Variants in CRB1 observed in about 807,000 individuals in gnomAD.
The protein encoded by CRB1 is protein crumbs homolog 1.
CRB1 carries 83 observed loss-of-function variants against 120.0 expected under a neutral mutation model. The ratio of observed to expected loss-of-function variants is 0.69; its 90% CI spans 0.58 to 0.83. The LOEUF (loss-of-function observed/expected upper bound fraction) is 0.83, where lower values mean the gene tolerates loss of function less well. CRB1 is among the 40% of genes least tolerant of loss of function. The probability of loss-of-function intolerance (pLI) is 0.00; values close to 1 mark genes in which losing one functional copy is unlikely to be tolerated. For missense variants in CRB1, 1,699 were observed against 1,687.6 expected (o/e 1.01, Z -0.12); for synonymous variants, 625 against 612.5 (o/e 1.02, Z -0.30).
At chr1:197,315,946 T>C (rs1056225506) in intron 1 of CRB1, among the ~76,000 whole-genome samples, 4 of 152,246 alleles carry the variant, frequency 2.6e-5, no homozygotes, top group African/African-American at 7.2e-5. Context: ...CTGAGGTCAA[T>C]TGCCATGTAT....
intron 5 of CRB1, among the ~76,000 whole-genome samples, chr1:197,405,867 G>A (rs1481219284): frequency 6.6e-6 from 1 of 151,734 alleles, no homozygotes; most frequent in Non-Finnish European, 1.5e-5. Context: ...GAAGTGAGGA[G>A]CGTCTCCGCC....
the CRB1 span, among the ~76,000 whole-genome samples, chr1:197,252,578 A>ATGTGTGTGTG: frequency 3.5e-5 from 1 of 28,682 alleles, no homozygotes; most frequent in African/African-American, 9.3e-5. Flanking sequence ...ATATATATAT[A>ATGTGTGTGTG]TATATGTGTG....
At chr1:197,380,183 T>C (rs1235838040) in intron 5 of CRB1, among the ~76,000 whole-genome samples, 1 of 152,140 alleles carries the variant, frequency 6.6e-6, no homozygotes, top group Non-Finnish European at 1.5e-5. Context: ...GAGACAATAG[T>C]CTGGAATATT....
At chr1:197,469,668 C>T (rs902129992) in intron 11 of CRB1, among the ~76,000 whole-genome samples, 37 of 152,170 alleles carry the variant, frequency 2.4e-4, no homozygotes, top group African/African-American at 8.9e-4. Context: ...GTCCACACAG[C>T]TTTTCTGAGA....
chr1:197,252,659 T>G, the CRB1 span, among the ~76,000 whole-genome samples: 31 of 143,628 alleles, frequency 2.2e-4, no homozygotes, highest in African/African-American at 7.4e-4. Context: ...CACACATATA[T>G]ATAAAATAAA....
intron 11 of CRB1, among the ~76,000 whole-genome samples, chr1:197,475,755 A>G (rs1426048332): frequency 6.6e-6 from 1 of 151,972 alleles, no homozygotes. Context: ...ATTCAAACAT[A>G]CACATTCATG....
chr1:197,235,591 T>G, the CRB1 span, among the ~76,000 whole-genome samples: 1 of 152,118 alleles, frequency 6.6e-6, no homozygotes, highest in South Asian at 2.1e-4. Context: ...TATCCTAAAT[T>G]AATCAGCCAT....
At chr1:197,220,080 CAG>C in the CRB1 span, among the ~76,000 whole-genome samples, 11 of 152,192 alleles carry the variant, frequency 7.2e-5, no homozygotes, top group African/African-American at 2.6e-4. Context: ...ACATTTCCTC[CAG>C]TAGACACAAG....
intron 1 of CRB1, among the ~76,000 whole-genome samples, chr1:197,320,768 T>G (rs1170741662): frequency 6.6e-6 from 1 of 152,310 alleles, no homozygotes; most frequent in East Asian, 1.9e-4. Context: ...TTTTAAAAAC[T>G]AAATTATCAT....
At chr1:197,454,251 T>A (rs1248108842) in intron 11 of CRB1, among the ~76,000 whole-genome samples, 2 of 131,032 alleles carry the variant, frequency 1.5e-5, no homozygotes, top group Admixed American at 1.8e-4. Flanking sequence ...TGTAAAATGA[T>A]CTTACCACAA....
intron 4 of CRB1, among the ~76,000 whole-genome samples, chr1:197,354,157 CA>C (rs1660285413): frequency 6.6e-6 from 1 of 152,102 alleles, no homozygotes; most frequent in Non-Finnish European, 1.5e-5. Context: ...CAAAGGTTGG[CA>C]AACGTTTTGA....
intron 5 of CRB1, among the ~76,000 whole-genome samples, chr1:197,393,202 A>G (rs984584080): frequency 1.3e-5 from 2 of 152,136 alleles, no homozygotes; most frequent in Admixed American, 1.3e-4. Flanking sequence ...ATGCAGGACC[A>G]AAAAGTACCA....
At chr1:197,212,985 A>G in the CRB1 span, among the ~76,000 whole-genome samples, 2 of 152,232 alleles carry the variant, frequency 1.3e-5, no homozygotes, top group Non-Finnish European at 2.9e-5. Flanking sequence ...CAACAGATCT[A>G]GATAAATTCC....
intron 5 of CRB1, among the ~76,000 whole-genome samples, chr1:197,384,919 T>G (rs1027333435): frequency 1.3e-5 from 2 of 152,104 alleles, no homozygotes; most frequent in African/African-American, 2.4e-5. Context: ...AAAGTAAAAC[T>G]AAAGCTAATC....
At chr1:197,339,428 G>T (rs923366838) in intron 2 of CRB1, among the ~76,000 whole-genome samples, 8 of 152,078 alleles carry the variant, frequency 5.3e-5, no homozygotes, top group Non-Finnish European at 1.2e-4. Context: ...CCCCAAAATA[G>T]CATACATAAT....
At chr1:197,298,833 TAG>T (rs1656697026) in intron 1 of CRB1, among the ~76,000 whole-genome samples, 1 of 152,082 alleles carries the variant, frequency 6.6e-6, no homozygotes, top group Non-Finnish European at 1.5e-5. Context: ...ATTGAAAACA[TAG>T]AGTTGATCTT....
intron 4 of CRB1, among the ~76,000 whole-genome samples, chr1:197,352,686 CTTT>C (rs5779865): frequency 2.6e-4 from 36 of 137,122 alleles, no homozygotes; most frequent in Non-Finnish European, 2.7e-4. Context: ...TTTTACTTTC[CTTT>C]TTTTTTTTTT....
At chr1:197,457,007 A>C (rs1666313160) in intron 11 of CRB1, among the ~76,000 whole-genome samples, 1 of 152,162 alleles carries the variant, frequency 6.6e-6, no homozygotes. Flanking sequence ...AGAGTTGACC[A>C]CTGCTGCAAT....
chr1:197,212,680 G>T, the CRB1 span, among the ~76,000 whole-genome samples: 1 of 152,076 alleles, frequency 6.6e-6, no homozygotes. Context: ...TATACTGATG[G>T]TTTCATCAGG....
Sources: allele counts gnomAD v4.1 joint callset (sites outside exome capture counted in the v4.1 genomes callset), GRCh38; gene constraint gnomAD v4.1.1; transcripts MANE v1.5; gene names NCBI Gene and HGNC (gene_info 2026-07-23, HGNC 2026-07-21).